SKAP2: variants seen among roughly 807,000 people sequenced by gnomAD.
SKAP2 encodes src kinase associated phosphoprotein 2.
SKAP2 carries 28 observed loss-of-function variants against 54.9 expected under a neutral mutation model. The observed-to-expected ratio is 0.51, with a 90% confidence interval of 0.38 to 0.70. The LOEUF is 0.70. Ranked by LOEUF, SKAP2 falls within the 30% of genes least tolerant of loss-of-function variation. The pLI is 0.00. For synonymous variants in SKAP2, 137 were observed against 134.3 expected, an observed-to-expected ratio of 1.02 and a Z score of -0.14; for missense variants, 356 against 424.1, an observed-to-expected ratio of 0.84 and a Z score of 1.41.
intron 9 of SKAP2, among the ~76,000 whole-genome samples, chr7:26,713,685 C>T (rs895355257): frequency 1.2e-4 from 18 of 151,814 alleles, no homozygotes; most frequent in Non-Finnish European, 2.2e-4. Flanking sequence ...CTGCAAGCTC[C>T]GCCTCCTGGG....
chr7:26,861,956 T>C (rs1294539932), intron 1 of SKAP2, among the ~76,000 whole-genome samples: 2 of 152,000 alleles, frequency 1.3e-5, no homozygotes, highest in Admixed American at 1.3e-4. Flanking sequence ...AAAAGTTTAG[T>C]TCCTTATCTT....
intron 9 of SKAP2, among the ~76,000 whole-genome samples, chr7:26,693,953 A>G (rs1177809530): frequency 2.0e-5 from 3 of 152,182 alleles, no homozygotes; most frequent in African/African-American, 4.8e-5. Context: ...CGATAAATAC[A>G]GAATAAACAA....
At chr7:26,682,523 A>G (rs911080670) in intron 11 of SKAP2, among the ~76,000 whole-genome samples, 2 of 152,190 alleles carry the variant, frequency 1.3e-5, no homozygotes, top group Admixed American at 6.5e-5. Context: ...GCCAAAGGTA[A>G]TAACATGCTG....
chr7:26,718,945 G>A (rs777054501), intron 9 of SKAP2, among the ~76,000 whole-genome samples: 2 of 152,204 alleles, frequency 1.3e-5, no homozygotes, highest in Non-Finnish European at 2.9e-5. Context: ...TTGGGAGGAT[G>A]AGGCAGAAGG....
At chr7:26,750,848 G>T (rs1782665058) in intron 4 of SKAP2, among the ~76,000 whole-genome samples, 1 of 152,038 alleles carries the variant, frequency 6.6e-6, no homozygotes. Flanking sequence ...AATTTAGATT[G>T]AATTCTTTAG....
chr7:26,689,952 T>C (rs572976855), intron 10 of SKAP2, among the ~76,000 whole-genome samples: 2 of 152,354 alleles, frequency 1.3e-5, no homozygotes, highest in African/African-American at 4.8e-5. Context: ...GTTGTATCTA[T>C]AAACTGTCCT....
intron 9 of SKAP2, among the ~76,000 whole-genome samples, chr7:26,691,725 C>A (rs1031823335): frequency 2.0e-5 from 3 of 152,094 alleles, no homozygotes; most frequent in African/African-American, 7.2e-5. Flanking sequence ...GGGAGTACCA[C>A]GGAGGCTCCA....
intron 4 of SKAP2, among the ~76,000 whole-genome samples, chr7:26,774,734 A>C (rs1312962099): frequency 1.3e-5 from 2 of 152,178 alleles, no homozygotes; most frequent in Non-Finnish European, 2.9e-5. Context: ...ATAAATAGTA[A>C]AGTGTTTCAT....
chr7:26,699,158 G>C (rs1358057030), intron 9 of SKAP2, among the ~76,000 whole-genome samples: 2 of 152,140 alleles, frequency 1.3e-5, no homozygotes, highest in Non-Finnish European at 2.9e-5. Context: ...ATTCCACATT[G>C]TACCAGCTTT....
At position 26,684,163 on chromosome 7, in the gene SKAP2, CAT is replaced by C. The variant is rs111915378; in HGVS notation, c.987+571_987+572del. ...TTATGTATATACACACACACATATA[CAT>C]ATATATATATGAAGATGGGTTTATA... On this transcript the variant is annotated intron_variant, in intron 11 of 12. Transcript: ENST00000345317. Among the ~76,000 whole-genome samples the C allele has an allele frequency of 7.8e-4, 119 of 151,698 alleles. 1 individual carries two copies. The highest frequency in any genetic ancestry group is 2.1e-3 in the Admixed American group (32 of 15,212).
chr7:26,845,790 C>T (rs776138569), intron 3 of SKAP2, among the ~76,000 whole-genome samples: 5 of 151,932 alleles, frequency 3.3e-5, no homozygotes, highest in Non-Finnish European at 4.4e-5. Flanking sequence ...AACAATTAGC[C>T]GGGTGTGGTG....
chr7:26,735,578 CA>C (rs1277245834), intron 6 of SKAP2, among the ~76,000 whole-genome samples: 2 of 152,146 alleles, frequency 1.3e-5, no homozygotes, highest in Non-Finnish European at 2.9e-5. Context: ...ATCTGTCAAA[CA>C]GTAACAAAGC....
At chr7:26,752,101 C>A (rs922900768) in intron 4 of SKAP2, among the ~76,000 whole-genome samples, 1 of 152,098 alleles carries the variant, frequency 6.6e-6, no homozygotes, top group Admixed American at 6.6e-5. Flanking sequence ...CAGGGTGGAA[C>A]AGAAGACAAC....
chr7:26,836,375 G>A (rs1784711946), intron 4 of SKAP2, among the ~76,000 whole-genome samples: 2 of 152,146 alleles, frequency 1.3e-5, no homozygotes, highest in South Asian at 4.1e-4. Flanking sequence ...CTTCTGCACA[G>A]CAAAAGAAAC....
chr7:26,757,350 C>T (rs1257246636), intron 4 of SKAP2, among the ~76,000 whole-genome samples: 54 of 152,158 alleles, frequency 3.5e-4, no homozygotes, highest in Middle Eastern at 3.4e-3. Flanking sequence ...AATTTTTGTA[C>T]AAGGTGTAAG....
intron 9 of SKAP2, among the ~76,000 whole-genome samples, chr7:26,722,149 C>G (rs2127954500): frequency 6.6e-6 from 1 of 152,190 alleles, no homozygotes; most frequent in Non-Finnish European, 1.5e-5. Context: ...TTAATACTCC[C>G]CAGAAATGGC....
chr7:26,856,467 G>A (rs1584429827), intron 1 of SKAP2, among the ~76,000 whole-genome samples: 1 of 152,192 alleles, frequency 6.6e-6, no homozygotes, highest in East Asian at 1.9e-4. Context: ...ATATTTTGAT[G>A]TGGGGGACAT....
At chr7:26,850,127 T>C (rs1387577716) in intron 3 of SKAP2, among the ~76,000 whole-genome samples, 2 of 152,164 alleles carry the variant, frequency 1.3e-5, no homozygotes, top group Non-Finnish European at 2.9e-5. Flanking sequence ...GCAAAAATAA[T>C]TATTTCAAGT....
chr7:26,715,358 G>T (rs989952543), intron 9 of SKAP2, among the ~76,000 whole-genome samples: 3 of 151,690 alleles, frequency 2.0e-5, no homozygotes, highest in Non-Finnish European at 4.4e-5. Flanking sequence ...TTTTTTACAG[G>T]ATCTTTTTCT....
Sources: allele counts gnomAD v4.1 joint callset (sites outside exome capture counted in the v4.1 genomes callset), GRCh38; gene constraint gnomAD v4.1.1; transcripts MANE v1.5; gene names NCBI Gene and HGNC (gene_info 2026-07-23, HGNC 2026-07-21).